Variants in ANXA3 observed in about 807,000 individuals in gnomAD.
The protein encoded by ANXA3 is annexin A3.
Under a neutral mutation model 48.8 loss-of-function variants are expected in ANXA3, and 46 were observed. The observed-to-expected ratio is 0.94, with a 90% CI of 0.74 to 1.21. ANXA3 has a LOEUF of 1.21. Among genes scored for constraint, ANXA3 ranks in the 50% most tolerant of loss-of-function variants. The pLI is 0.00. For missense variants in ANXA3, 383 were observed against 378.6 expected, an observed-to-expected ratio of 1.01 and a Z score of -0.10; for synonymous variants, 128 against 134.7, an observed-to-expected ratio of 0.95 and a Z score of 0.35.
chr4:78,569,006 G>A (rs1364289562), intron 2 of ANXA3, among the ~76,000 whole-genome samples: 1 of 152,204 alleles, frequency 6.6e-6, no homozygotes, highest in Non-Finnish European at 1.5e-5. Context: ...TACCTTATAA[G>A]TTTATTGCAA....
intron 1 of ANXA3, chr4:78,552,177 T>C (rs918404440): frequency 6.6e-6 from 1 of 152,262 alleles, no homozygotes; most frequent in African/African-American, 2.4e-5. Flanking sequence ...AAGCTTCGCT[T>C]ATTACAGCTA....
chr4:78,603,497 A>G (rs1578405303), intron 11 of ANXA3: 1 of 152,146 alleles, frequency 6.6e-6, no homozygotes, highest in Non-Finnish European at 1.5e-5. Context: ...AAGGATGGCC[A>G]TCATCATCTC....
At chr4:78,604,841 G>A (rs1387758608) in intron 12 of ANXA3, among the ~76,000 whole-genome samples, 1 of 152,118 alleles carries the variant, frequency 6.6e-6, no homozygotes, top group African/African-American at 2.4e-5. Flanking sequence ...TTATTTAACA[G>A]CTGTATATCA....
chr4:78,589,310 C>T lies in ANXA3; in HGVS notation c.404-2234C>T, dbSNP rs116197300. ...CCTCAATTTCTATGTGAGTAATGCT[C>T]TCTGAGGCTACAAAGGATACAACTG... On this transcript the variant is annotated intron_variant, in intron 6 of 12. Transcript: ENST00000264908. Among the ~76,000 whole-genome samples, 1,402 of 152,268 alleles carry T rather than the reference C, an allele frequency of 9.2e-3. 27 individuals are homozygous for T. The highest frequency in any genetic ancestry group is 0.032 in the African/African-American group (1,348 of 41,538).
At chr4:78,572,422 A>T (rs559990255) in intron 2 of ANXA3, among the ~76,000 whole-genome samples, 2 of 152,302 alleles carry the variant, frequency 1.3e-5, no homozygotes, top group South Asian at 4.2e-4. Context: ...AATTGATGCC[A>T]GGCTAGCCAC....
chr4:78,580,450 G>T (rs1274666341), intron 4 of ANXA3, among the ~76,000 whole-genome samples: 1 of 152,240 alleles, frequency 6.6e-6, no homozygotes, highest in African/African-American at 2.4e-5. Context: ...AACATGCTAA[G>T]CCTTGGGTCT....
intron 1 of ANXA3, 110 bp downstream of exon 1, chr4:78,551,969 C>G (rs767496436): frequency 3.9e-5 from 6 of 152,410 alleles, no homozygotes; most frequent in Admixed American, 6.5e-5. Context: ...GAGTGCAGCT[C>G]GACCCTGGGC....
chr4:78,583,532 G>A (rs894842329), intron 5 of ANXA3, among the ~76,000 whole-genome samples: 7 of 151,742 alleles, frequency 4.6e-5, no homozygotes, highest in African/African-American at 1.7e-4. Flanking sequence ...GCTGAGGTGG[G>A]AGAATCACTT....
intron 11 of ANXA3, 137 bp from the exon 12 acceptor site, chr4:78,604,140 G>A (rs1723600246): frequency 2.6e-6 from 2 of 760,554 alleles, no homozygotes. Flanking sequence ...AATGAATGAT[G>A]AGTTTGATAA....
At chr4:78,566,036 T>C (rs1722722862) in intron 2 of ANXA3, among the ~76,000 whole-genome samples, 1 of 152,138 alleles carries the variant, frequency 6.6e-6, no homozygotes, top group Non-Finnish European at 1.5e-5. Flanking sequence ...CACTTTCCAC[T>C]TTAGAATTGC....
intron 2 of ANXA3, among the ~76,000 whole-genome samples, chr4:78,556,095 G>A (rs1366679074): frequency 1.3e-5 from 2 of 152,076 alleles, no homozygotes; most frequent in Non-Finnish European, 2.9e-5. Flanking sequence ...TTCCACTTGT[G>A]GGTATGTATC....
chr4:78,572,251 A>G (rs375562449), intron 2 of ANXA3, among the ~76,000 whole-genome samples: 1 of 152,218 alleles, frequency 6.6e-6, no homozygotes, highest in East Asian at 1.9e-4. Context: ...TGTTACACAA[A>G]AGAAAAAGAG....
intron 2 of ANXA3, among the ~76,000 whole-genome samples, chr4:78,571,859 C>A (rs1262216299): frequency 6.6e-6 from 1 of 152,166 alleles, no homozygotes; most frequent in East Asian, 1.9e-4. Flanking sequence ...AGTAGTGTGG[C>A]ATTTTTTACT....
chr4:78,591,453 C>G, intron 6 of ANXA3, 91 bp from the exon 7 acceptor site: 1 of 828,020 alleles, frequency 1.2e-6, no homozygotes, highest in Middle Eastern at 2.3e-4. Context: ...CATACCCATT[C>G]TTTGCTAGTG....
chr4:78,607,445 G>A (rs1723673514), intron 12 of ANXA3, among the ~76,000 whole-genome samples: 1 of 151,952 alleles, frequency 6.6e-6, no homozygotes, highest in Non-Finnish European at 1.5e-5. Flanking sequence ...GTAACCGGTG[G>A]GAAGGAGAAG....
chr4:78,595,535 C>CTTTT, intron 8 of ANXA3, 98 bp downstream of exon 8: 1 of 1,247,796 alleles, frequency 8.0e-7, no homozygotes, highest in African/African-American at 1.9e-5. Context: ...GCAACAGGGA[C>CTTTT]TTTTCTTTTT....
intron 3 of ANXA3, 111 bp downstream of exon 3, chr4:78,573,378 A>T: frequency 1.4e-6 from 1 of 732,728 alleles, no homozygotes; most frequent in East Asian, 2.7e-5. Flanking sequence ...AATTGTCAGG[A>T]ATTTTCTAAA....
chr4:78,552,706 C>CATTTA (rs1722424634), intron 1 of ANXA3, among the ~76,000 whole-genome samples: 1 of 152,232 alleles, frequency 6.6e-6, no homozygotes, highest in African/African-American at 2.4e-5. Flanking sequence ...ACAGCAAGAC[C>CATTTA]CTGCCCTCCG....
At chr4:78,601,477 G>A (rs190667892) in intron 10 of ANXA3, 33 bp from the exon 11 acceptor site, 174 of 1,605,830 alleles carry the variant, frequency 1.1e-4, no homozygotes, top group Middle Eastern at 3.3e-4. Flanking sequence ...TTTCTATTCC[G>A]TGAAGCTGAA....
Sources: allele counts gnomAD v4.1 joint callset (sites outside exome capture counted in the v4.1 genomes callset), GRCh38; gene constraint gnomAD v4.1.1; transcripts MANE v1.5; gene names NCBI Gene and HGNC (gene_info 2026-07-23, HGNC 2026-07-21).